The following ANKRD36C variants were observed in gnomAD, a reference collection of about 807,000 sequenced individuals.
ANKRD36C encodes the protein ankyrin repeat domain 36C.
ANKRD36C carries 61 observed loss-of-function variants against 276.4 expected under a neutral mutation model. That is an observed-to-expected ratio of 0.22 (90% CI 0.18 to 0.27). The LOEUF (loss-of-function observed/expected upper bound fraction) is 0.27. Ranked by LOEUF, ANKRD36C falls within the 10% of genes least tolerant of loss-of-function variation. The pLI is 1.00. For missense variants in ANKRD36C, 1,447 were observed against 2,032.3 expected (o/e 0.71, Z 5.54); for synonymous variants, 483 against 680.1 (o/e 0.71, Z 4.51).
At chr2:95,922,167 C>T (rs1243844542) in intron 32 of ANKRD36C, among the ~76,000 whole-genome samples, 1 of 151,520 alleles carries the variant, frequency 6.6e-6, no homozygotes, top group East Asian at 2.0e-4. Context: ...GCACATGCAC[C>T]CACTTGTCTT....
At chr2:95,850,619 T>C (rs62156861), downstream of ANKRD36C, among the ~76,000 whole-genome samples, 1 of 152,206 alleles carries the variant, frequency 6.6e-6, no homozygotes, top group Non-Finnish European at 1.5e-5. Context: ...GCTGAATAAC[T>C]TGACAAGAAC....
At chr2:95,972,136 A>G (rs1249357601) in intron 6 of ANKRD36C, among the ~76,000 whole-genome samples, 3 of 152,178 alleles carry the variant, frequency 2.0e-5, no homozygotes, top group Admixed American at 1.3e-4. Context: ...CCTACATGCA[A>G]AACTGGCCCT....
At chr2:95,974,460 A>G (rs1042703124) in intron 6 of ANKRD36C, among the ~76,000 whole-genome samples, 2 of 152,168 alleles carry the variant, frequency 1.3e-5, no homozygotes, top group African/African-American at 4.8e-5. Context: ...TTCTAATAAT[A>G]TTTTCTTTAG....
chr2:95,861,360 C>G (rs886219732), intron 60 of ANKRD36C, among the ~76,000 whole-genome samples: 2 of 151,400 alleles, frequency 1.3e-5, no homozygotes, highest in African/African-American at 4.9e-5. Flanking sequence ...ATAGATAACT[C>G]CTCAAATAAA....
At chr2:95,945,739 C>G (rs1678030359) in intron 17 of ANKRD36C, among the ~76,000 whole-genome samples, 1 of 152,228 alleles carries the variant, frequency 6.6e-6, no homozygotes, top group African/African-American at 2.4e-5. Flanking sequence ...CCTTATGGAG[C>G]AATGATTCAT....
chr2:95,950,944 A>G (rs1378324171), intron 15 of ANKRD36C, among the ~76,000 whole-genome samples, 165 bp from the exon 16 acceptor site: 16 of 149,398 alleles, frequency 1.1e-4, no homozygotes, highest in Non-Finnish European at 1.7e-4. Flanking sequence ...AGCCTGGGTA[A>G]CATAGCAAGA....
chr2:95,857,969 C>A (rs565819420), intron 61 of ANKRD36C, among the ~76,000 whole-genome samples: 2 of 152,028 alleles, frequency 1.3e-5, no homozygotes, highest in African/African-American at 2.4e-5. Flanking sequence ...CTGAACATTT[C>A]TTTCCATTAA....
chr2:95,889,911 A>G (rs1676296373), intron 47 of ANKRD36C, 40 bp from the exon 68 acceptor site: 14 of 1,606,956 alleles, frequency 8.7e-6, no homozygotes, highest in Non-Finnish European at 1.2e-5. Context: ...TAAATAAAGT[A>G]TGTTTCATAG....
At chr2:95,934,590 A>G (rs1677663295) in intron 24 of ANKRD36C, among the ~76,000 whole-genome samples, 1 of 152,254 alleles carries the variant, frequency 6.6e-6, no homozygotes, top group African/African-American at 2.4e-5. Context: ...AACATCACAC[A>G]CCAGGGCCTG....
chr2:95,861,343 G>A (rs1438089780), intron 60 of ANKRD36C, among the ~76,000 whole-genome samples: 1 of 151,638 alleles, frequency 6.6e-6, no homozygotes, highest in Non-Finnish European at 1.5e-5. Context: ...AAACTTTCAA[G>A]CAGTTAATAG....
intron 44 of ANKRD36C, among the ~76,000 whole-genome samples, 184 bp downstream of exon 60, chr2:95,897,086 C>T (rs953233377): frequency 5.3e-5 from 8 of 150,198 alleles, no homozygotes; most frequent in Non-Finnish European, 7.4e-5. Context: ...TATAATCTTA[C>T]GGCGAAGATC....
intron 50 of ANKRD36C, among the ~76,000 whole-genome samples, chr2:95,886,477 A>G (rs1044986975): frequency 1.3e-5 from 2 of 151,624 alleles, no homozygotes; most frequent in African/African-American, 2.4e-5. Flanking sequence ...GATTTGTCAT[A>G]TGACTAAAAC....
At chr2:95,962,320 G>A in intron 8 of ANKRD36C, 32 bp downstream of exon 8, 1 of 1,544,312 alleles carries the variant, frequency 6.5e-7, no homozygotes, top group Non-Finnish European at 8.7e-7. Flanking sequence ...TATCCTGAGT[G>A]AACATGACAT....
intron 14 of ANKRD36C, among the ~76,000 whole-genome samples, chr2:95,953,462 A>ATGATATATATATC (rs1678251181): frequency 6.6e-6 from 1 of 152,144 alleles, no homozygotes; most frequent in African/African-American, 2.4e-5. Context: ...GTATGATATC[A>ATGATATATATATC]AAATATGTGC....
chr2:95,888,242 T>C, intron 48 of ANKRD36C, 122 bp from the exon 69 acceptor site: 2 of 1,519,554 alleles, frequency 1.3e-6, no homozygotes, highest in Non-Finnish European at 1.8e-6. Context: ...CTTTGATGTT[T>C]TCTACTTTGT....
At position 95,914,193 on chromosome 2, in the gene ANKRD36C, T is replaced by G. The variant is rs756757103; in HGVS notation, c.2479-13A>C. 19 of 1,579,436 alleles carry G rather than the reference T, an allele frequency of 1.2e-5. No homozygotes were observed. In the African/African-American group the frequency reaches 1.2e-4, roughly 10 times the overall value. On this transcript the variant is annotated splice_polypyrimidine_tract_variant and intron_variant, in intron 39 of 66. Coordinates refer to ENST00000456556, the Ensembl canonical transcript of ANKRD36C. ...CGTCACTTGTAGCCTGAATGGAATT[T>G]GAAATGAAATAATAAGTTAATAAAG...
rs1678900213 is a variant in ANKRD36C, at chr2:95,980,793, A to T, written c.594-8T>A. On this transcript the variant is annotated splice_polypyrimidine_tract_variant and splice_region_variant and intron_variant, in intron 4 of 66. Transcript: ENST00000456556. Reference sequence around the variant, plus strand: ...GCATGTATGAGGGCTGATCTAAAATAACAGAGAGGTAATTAAAAACTTTAA... The same window carrying T: ...GCATGTATGAGGGCTGATCTAAAATTACAGAGAGGTAATTAAAAACTTTAA... 1.9e-6 allele frequency: 3 copies of T among 1,573,430 alleles called. No individual in the cohort carries two copies. Among genetic ancestry groups the T allele is most frequent in the Non-Finnish European group, 2.6e-6 (3 of 1,157,208 alleles).
intron 19 of ANKRD36C, among the ~76,000 whole-genome samples, chr2:95,941,942 T>C (rs1370350975): frequency 6.6e-6 from 1 of 152,308 alleles, no homozygotes; most frequent in Non-Finnish European, 1.5e-5. Context: ...GGATTGGCAA[T>C]GTGAGGGAAA....
chr2:95,963,774 C>T (rs1336545407), intron 6 of ANKRD36C, among the ~76,000 whole-genome samples: 2 of 107,488 alleles, frequency 1.9e-5, no homozygotes, highest in African/African-American at 3.7e-5. Context: ...CTACATTTCC[C>T]GGATTCAGCA....
Sources: allele counts gnomAD v4.1 joint callset (sites outside exome capture counted in the v4.1 genomes callset), GRCh38; gene constraint gnomAD v4.1.1; transcripts MANE v1.5; gene names NCBI Gene and HGNC (gene_info 2026-07-23, HGNC 2026-07-21).